SERGEF: variants seen among roughly 807,000 people sequenced by gnomAD.
SERGEF encodes secretion regulating guanine nucleotide exchange factor.
Under a neutral mutation model 50.0 loss-of-function variants are expected in SERGEF, and 51 were observed. That is an observed-to-expected ratio of 1.02 (90% CI 0.81 to 1.29). SERGEF has a LOEUF of 1.29. SERGEF is among the 50% of genes most tolerant of loss of function. The pLI, the probability that SERGEF is intolerant of heterozygous loss-of-function variation, is 0.00. For synonymous variants in SERGEF, 205 were observed against 212.4 expected, an observed-to-expected ratio of 0.97 and a Z score of 0.30; for missense variants, 521 against 557.0, an observed-to-expected ratio of 0.94 and a Z score of 0.65.
chr11:17,823,111 G>A (rs1191599377), intron 10 of SERGEF, among the ~76,000 whole-genome samples: 1 of 152,226 alleles, frequency 6.6e-6, no homozygotes, highest in South Asian at 2.1e-4. Flanking sequence ...GGTCTGCTAC[G>A]GTTTCTCCAA....
chr11:17,925,685 C>G (rs1235212183), intron 9 of SERGEF, among the ~76,000 whole-genome samples: 1 of 152,068 alleles, frequency 6.6e-6, no homozygotes, highest in Non-Finnish European at 1.5e-5. Context: ...AGGCACATTT[C>G]CATCTTACAA....
intron 10 of SERGEF, among the ~76,000 whole-genome samples, chr11:17,808,678 C>T (rs755100388): frequency 6.6e-6 from 1 of 152,182 alleles, no homozygotes; most frequent in Non-Finnish European, 1.5e-5. Context: ...CACAAATGGG[C>T]CCTCCAGGAT....
At chr11:17,823,412 C>T (rs1850119150) in intron 10 of SERGEF, among the ~76,000 whole-genome samples, 1 of 152,194 alleles carries the variant, frequency 6.6e-6, no homozygotes, top group South Asian at 2.1e-4. Flanking sequence ...AACCCCTTTC[C>T]ATGCTCTACT....
intron 9 of SERGEF, among the ~76,000 whole-genome samples, chr11:17,912,610 A>G (rs1391758529): frequency 6.6e-6 from 1 of 152,234 alleles, no homozygotes; most frequent in Non-Finnish European, 1.5e-5. Flanking sequence ...TTCATAATGA[A>G]TGATCATTTT....
chr11:17,839,542 G>C (rs1345368175), intron 10 of SERGEF, among the ~76,000 whole-genome samples: 2 of 152,134 alleles, frequency 1.3e-5, no homozygotes, highest in Non-Finnish European at 2.9e-5. Context: ...GCTGTTTGCT[G>C]AGCTGGTGTC....
chr11:17,978,156 A>G (rs981420162), intron 8 of SERGEF, among the ~76,000 whole-genome samples: 2 of 152,034 alleles, frequency 1.3e-5, no homozygotes, highest in Admixed American at 6.5e-5. Context: ...AATGAACCCT[A>G]CCTTAAGGGG....
At chr11:17,993,084 GGAGA>G in intron 6 of SERGEF, 91 bp from the exon 7 acceptor site, 2 of 1,038,828 alleles carry the variant, frequency 1.9e-6, no homozygotes, top group Non-Finnish European at 2.9e-6. Context: ...CCTGGGCGTG[GGAGA>G]GACTCAGCCA....
chr11:17,915,564 C>T (rs1046186740), intron 9 of SERGEF, among the ~76,000 whole-genome samples: 38 of 152,300 alleles, frequency 2.5e-4, no homozygotes, highest in African/African-American at 8.9e-4. Context: ...GGACCATTAA[C>T]TCAGCTGACC....
At chr11:17,988,537 G>A in intron 8 of SERGEF, 60 bp downstream of exon 8, 2 of 1,567,472 alleles carry the variant, frequency 1.3e-6, no homozygotes, top group African/African-American at 1.4e-5. Flanking sequence ...ACTCATGGCT[G>A]CTTAGACAGC....
chr11:17,913,302 T>C (rs1482463230), intron 9 of SERGEF, among the ~76,000 whole-genome samples: 1 of 152,230 alleles, frequency 6.6e-6, no homozygotes, highest in African/African-American at 2.4e-5. Flanking sequence ...GCAGATGTCC[T>C]GTGCCTCCAA....
chr11:17,846,109 TG>T (rs1432109025), intron 10 of SERGEF, among the ~76,000 whole-genome samples: 2 of 152,168 alleles, frequency 1.3e-5, no homozygotes, highest in Admixed American at 6.5e-5. Context: ...GCTCTCTAGC[TG>T]GGGAGACAGA....
At chr11:17,916,219 C>A (rs1852046108) in intron 9 of SERGEF, among the ~76,000 whole-genome samples, 1 of 152,184 alleles carries the variant, frequency 6.6e-6, no homozygotes, top group Non-Finnish European at 1.5e-5. Flanking sequence ...CGCTCTATCA[C>A]CTGGCCCTTC....
chr11:17,861,676 A>C (rs1295274006), intron 10 of SERGEF, among the ~76,000 whole-genome samples: 2 of 152,264 alleles, frequency 1.3e-5, no homozygotes, highest in East Asian at 3.8e-4. Flanking sequence ...GAGCTTCCTA[A>C]GTCAGCTGTT....
chr11:17,901,155 C>A (rs1240133710), intron 9 of SERGEF, among the ~76,000 whole-genome samples: 1 of 152,166 alleles, frequency 6.6e-6, no homozygotes, highest in East Asian at 1.9e-4. Flanking sequence ...TGGCCAACCA[C>A]CAAATCCTGT....
At chr11:17,875,651 A>G (rs1452288873) in intron 10 of SERGEF, among the ~76,000 whole-genome samples, 1 of 152,202 alleles carries the variant, frequency 6.6e-6, no homozygotes, top group Non-Finnish European at 1.5e-5. Context: ...GATACAACAA[A>G]TATACTTTGA....
At chr11:17,866,781 A>G (rs1214571197) in intron 10 of SERGEF, 2 of 152,366 alleles carry the variant, frequency 1.3e-5, no homozygotes, top group South Asian at 2.1e-4. Flanking sequence ...AAGAGATTTA[A>G]TGGACTTACA....
intron 2 of SERGEF, 22 bp from the exon 3 acceptor site, chr11:18,006,768 G>A: frequency 6.2e-7 from 1 of 1,613,144 alleles, no homozygotes; most frequent in Non-Finnish European, 8.5e-7. Context: ...AAAGGCATCA[G>A]TGATAGCGTG....
intron 9 of SERGEF, among the ~76,000 whole-genome samples, chr11:17,927,096 C>G (rs1489701350): frequency 6.6e-6 from 1 of 152,160 alleles, no homozygotes; most frequent in Non-Finnish European, 1.5e-5. Flanking sequence ...CTTAGCACAT[C>G]CTAAAAGAAA....
intron 1 of SERGEF, chr11:18,009,966 TG>T (rs1854163100): frequency 5.1e-6 from 2 of 390,220 alleles, no homozygotes; most frequent in Non-Finnish European, 9.3e-6. Flanking sequence ...CAGTAAGTTT[TG>T]GGTTTTCAGA....
Sources: gnomAD v4.1 joint callset for allele counts (sites outside exome capture counted in the v4.1 genomes callset) on GRCh38, gnomAD v4.1.1 for gene constraint, MANE v1.5 for transcripts, NCBI Gene and HGNC (gene_info 2026-07-23, HGNC 2026-07-21) for gene names.